Variants in OGG1 observed in about 807,000 individuals in gnomAD.
The protein encoded by OGG1 is 8-oxoguanine DNA glycosylase.
Under a neutral mutation model 42.3 loss-of-function variants are expected in OGG1, and 35 were observed. The observed-to-expected ratio is 0.83, with a 90% CI of 0.63 to 1.10. OGG1 has a LOEUF of 1.10. Among genes scored for constraint, OGG1 ranks in the 50% least tolerant of loss-of-function variants. The pLI is 0.00. For synonymous variants in OGG1, 189 were observed against 179.0 expected (o/e 1.06, Z -0.44); for missense variants, 484 against 446.7 (o/e 1.08, Z -0.75).
intron 7 of OGG1, among the ~76,000 whole-genome samples, chr3:9,764,667 T>C (rs914983481): frequency 1.4e-5 from 2 of 143,838 alleles, no homozygotes; most frequent in Non-Finnish European, 3.0e-5. Context: ...TTGCTCTTGT[T>C]GCCTAGGCTG....
rs186307233 is a variant in OGG1 at position 9,750,117 on chromosome 3, C to A, written c.-170C>A. The A allele has an allele frequency of 3.5e-6, 3 of 857,474 alleles. No homozygotes were observed. The highest frequency in any genetic ancestry group is 1.7e-5 in the African/African-American group (1 of 59,190). The allele number at this position is 857,474 out of a possible 1,614,324, so 53.1% of individuals were successfully genotyped here. On this transcript the variant is annotated 5_prime_UTR_variant, in exon 1 of 7. Transcript: ENST00000344629. ...CGGGGCTTTGATGACCCGCAAAGGG[C>A]GAGGCATGCAGGAGGTGGAGGAATT...
At chr3:9,785,101 G>C (rs142298930) in intron 3 of OGG1, among the ~76,000 whole-genome samples, 1 of 152,226 alleles carries the variant, frequency 6.6e-6, no homozygotes, top group African/African-American at 2.4e-5. Context: ...CAGGACATTT[G>C]GGTTATTTAT....
At chr3:9,777,714 CCTT>C (rs1268335956) in intron 2 of OGG1, among the ~76,000 whole-genome samples, 2 of 152,104 alleles carry the variant, frequency 1.3e-5, no homozygotes, top group Non-Finnish European at 2.9e-5. Context: ...TATCTGTCTT[CCTT>C]CTTTCACAAT....
downstream of OGG1, chr3:9,761,528 C>A (rs761231706): frequency 2.9e-5 from 46 of 1,613,504 alleles, no homozygotes; most frequent in Non-Finnish European, 3.7e-5. Flanking sequence ...TGGGCCAGGA[C>A]TTCAGGGGCT....
chr3:9,761,123 T>A (rs1395049188), downstream of OGG1: 4 of 335,454 alleles, frequency 1.2e-5, no homozygotes, highest in South Asian at 1.6e-4. Context: ...CTATTCCTGC[T>A]TGGTTTTTCT....
chr3:9,761,795 A>C, downstream of OGG1: 1 of 1,611,660 alleles, frequency 6.2e-7, no homozygotes, highest in South Asian at 1.1e-5. Context: ...GCAATCAGAG[A>C]TGGTTAGAGG....
At chr3:9,785,997 G>A (rs929877915) in intron 3 of OGG1, among the ~76,000 whole-genome samples, 1 of 151,552 alleles carries the variant, frequency 6.6e-6, no homozygotes, top group Admixed American at 6.6e-5. Flanking sequence ...GGAGTGCAGT[G>A]GCACAATTTC....
chr3:9,757,697 A>G (rs1252900597), downstream of OGG1: 2 of 1,613,878 alleles, frequency 1.2e-6, no homozygotes, highest in African/African-American at 2.7e-5. The surrounding 1 kb of genome is among the most constrained non-coding windows in gnomAD (Gnocchi z 4.5). Context: ...TTTGTGGACC[A>G]CCCATGCCCT....
chr3:9,789,701 C>G, downstream of OGG1: 2 of 1,611,082 alleles, frequency 1.2e-6, no homozygotes, highest in Non-Finnish European at 1.7e-6. Flanking sequence ...TCTATGTTCT[C>G]TAGCCCAGAA....
chr3:9,777,491 C>CT (rs1234752146), intron 2 of OGG1, among the ~76,000 whole-genome samples: 1 of 152,062 alleles, frequency 6.6e-6, no homozygotes, highest in Non-Finnish European at 1.5e-5. Flanking sequence ...CTTTGAGTCT[C>CT]TGTGTCATCT....
In OGG1 at chr3:9,762,769, C is replaced by T. The variant is rs147101737; in HGVS notation, c.1049-3040C>T. On this transcript the variant is annotated intron_variant, in intron 7 of 7. Coordinates refer to the OGG1 transcript ENST00000302008. ...GTATCTGGACTAGAATGGGAGGAGG[C>T]AGTTTAAAGGTTACAAGATCCACTT... The T allele has an allele frequency of 1.1e-3, 743 of 702,914 alleles. 4 individuals are homozygous for T. The African/African-American group carries it at 0.012, about 11-fold the overall frequency. The allele number at this position is 702,914 out of a possible 1,614,324, so 43.5% of individuals were successfully genotyped here.
intron 3 of OGG1, among the ~76,000 whole-genome samples, chr3:9,784,598 C>G (rs1044069840): frequency 2.0e-5 from 3 of 151,944 alleles, no homozygotes; most frequent in African/African-American, 7.3e-5. Context: ...GGCATGGTGG[C>G]TCACACCTGT....
Position 9,773,159 on chromosome 3 carries a change from A to G in OGG1, c.295-8354A>G, listed in dbSNP as rs555994621. Reference sequence around the variant, plus strand: ...CAGGAGAATTGCTTGAACCCAGGAGATGGAAGTTGCAGTGAGCTGAGATTG... The same window carrying G: ...CAGGAGAATTGCTTGAACCCAGGAGGTGGAAGTTGCAGTGAGCTGAGATTG... On this transcript the variant is annotated intron_variant, in intron 2 of 3. Transcript: ENST00000426518. Among the ~76,000 whole-genome samples, 170 of 149,504 alleles carry G rather than the reference A, an allele frequency of 1.1e-3. No individual in the cohort carries two copies. The Middle Eastern group carries it at 0.014, about 12-fold the overall frequency.
downstream of OGG1, among the ~76,000 whole-genome samples, chr3:9,767,090 G>T (rs1356381576): frequency 6.6e-6 from 1 of 152,018 alleles, no homozygotes; most frequent in African/African-American, 2.4e-5. Context: ...CTTCTGCCTG[G>T]AATGTCCTTC....
chr3:9,752,552 A>T (rs2619496), intron 3 of OGG1, among the ~76,000 whole-genome samples: 24 of 145,222 alleles, frequency 1.7e-4, no homozygotes, highest in Admixed American at 4.9e-4. Flanking sequence ...AAAAAAAAAA[A>T]TTCAAGCTGG....
chr3:9,757,178 C>T lies in OGG1; in HGVS notation c.*28C>T. 6.2e-7 allele frequency: 1 copy of T among 1,613,952 alleles called. No homozygotes were observed. Among genetic ancestry groups the T allele is most frequent in the Non-Finnish European group, 8.5e-7 (1 of 1,179,916 alleles). The stretch of plus-strand genomic sequence containing the variant: ...GGGGCACCCTGGACAAAGAAATTCC[C>T]CAAGCACCTTCCCCTCCATTCCCCA... On this transcript the variant is annotated 3_prime_UTR_variant, in exon 7 of 7. Transcript: ENST00000344629. The surrounding 1 kb of genome is among the most constrained non-coding windows in gnomAD (Gnocchi z 4.5).
chr3:9,762,933 A>G (rs1399767855), intron 7 of OGG1: 3 of 1,614,086 alleles, frequency 1.9e-6, no homozygotes, highest in Non-Finnish European at 2.5e-6. Flanking sequence ...CCGGTGTACA[A>G]TGCCCAGGTC....
exon 8 of OGG1, chr3:9,766,166 T>A: frequency 1.1e-6 from 1 of 914,954 alleles, no homozygotes; most frequent in Non-Finnish European, 1.7e-6. Flanking sequence ...TGGTAGGATG[T>A]AAGCCTGGAG....
intron 2 of OGG1, chr3:9,780,369 C>T: frequency 1.2e-6 from 2 of 1,612,490 alleles, no homozygotes; most frequent in Non-Finnish European, 1.7e-6. Flanking sequence ...ACCCATCCAG[C>T]AGCTTCAGGA....
Sources: allele counts gnomAD v4.1 joint callset (sites outside exome capture counted in the v4.1 genomes callset), GRCh38; gene constraint gnomAD v4.1.1; non-coding constraint Gnocchi (gnomAD v3.1); transcripts MANE v1.5; gene names NCBI Gene and HGNC (gene_info 2026-07-23, HGNC 2026-07-21).